The following CCDC91 variants were observed in gnomAD, a reference collection of about 807,000 sequenced individuals.
CCDC91 encodes the protein coiled-coil domain-containing protein 91.
A neutral mutation model predicts 63.2 loss-of-function variants in CCDC91; 48 were observed. The observed-to-expected ratio is 0.76, with a 90% confidence interval of 0.60 to 0.97. CCDC91 has a LOEUF of 0.97. Ranked by LOEUF, CCDC91 falls within the 50% of genes least tolerant of loss-of-function variation. CCDC91 has a pLI of 0.00. For synonymous variants in CCDC91, 167 were observed against 165.8 expected (o/e 1.01, Z -0.06); for missense variants, 500 against 494.6 (o/e 1.01, Z -0.10).
chr12:28,322,828 GTTTTACCATA>G (rs1940644119), intron 6 of CCDC91, among the ~76,000 whole-genome samples: 1 of 151,542 alleles, frequency 6.6e-6, no homozygotes, highest in Admixed American at 6.6e-5. Context: ...GAGAATGCCT[GTTTTACCATA>G]TCCTTGCCTA....
chr12:28,315,904 A>G (rs1297952821), intron 6 of CCDC91, among the ~76,000 whole-genome samples: 1 of 151,876 alleles, frequency 6.6e-6, no homozygotes, highest in Admixed American at 6.6e-5. Context: ...TTTAGATAAT[A>G]GTGTACTAAA....
intron 8 of CCDC91, among the ~76,000 whole-genome samples, chr12:28,428,361 G>A (rs1003666950): frequency 4.0e-5 from 6 of 151,810 alleles, no homozygotes. Context: ...ACCTGAGGTT[G>A]GGAGTTTGAG....
chr12:28,528,920 T>G (rs1941509238), intron 12 of CCDC91, among the ~76,000 whole-genome samples: 1 of 152,190 alleles, frequency 6.6e-6, no homozygotes, highest in Admixed American at 6.5e-5. Flanking sequence ...ATTAAAAGAA[T>G]GATATTTATC....
chr12:28,245,257 A>G (rs1379785374), intron 1 of CCDC91, among the ~76,000 whole-genome samples: 1 of 152,168 alleles, frequency 6.6e-6, no homozygotes, highest in Admixed American at 6.5e-5. Context: ...AAGATGGCTT[A>G]TCAGATTAGC....
intron 6 of CCDC91, among the ~76,000 whole-genome samples, chr12:28,332,885 T>C (rs1941624457): frequency 6.6e-6 from 1 of 152,160 alleles, no homozygotes; most frequent in Non-Finnish European, 1.5e-5. Flanking sequence ...TCATAGCCTT[T>C]GCACTTATGA....
chr12:28,496,931 CAT>C (rs200906294), intron 12 of CCDC91, among the ~76,000 whole-genome samples: 2,657 of 141,448 alleles, frequency 0.019, 44 homozygotes, highest in Non-Finnish European at 0.029. Context: ...TATATATATA[CAT>C]ATATATATAC....
Position 28,484,088 on chromosome 12 carries a change from C to A in CCDC91, c.1138C>A (p.Arg380=), listed in dbSNP as rs199900804. 3.9e-5 allele frequency: 63 copies of A among 1,610,782 alleles called. 1 individual carries two copies. In the East Asian group the frequency reaches 8.3e-4, roughly 21 times the overall value. The change falls in exon 12 of 13, where the codon CGA becomes AGA. Residue 380 remains arginine (R), a synonymous_variant. Coordinates refer to ENST00000536442, the MANE Select transcript of CCDC91 (RefSeq NM_018318.5). Reference sequence around the variant, plus strand: ...GGCAGCAATAATAGAAGAGCAGAAACGAAGTGAAAAGGCTGTGGAAGAGGC... The same window carrying A: ...GGCAGCAATAATAGAAGAGCAGAAAAGAAGTGAAAAGGCTGTGGAAGAGGC... ...VKAAIIEEQK[R]SEKAVEEAVK...
chr12:28,415,799 A>G (rs1947621644), intron 8 of CCDC91, among the ~76,000 whole-genome samples: 1 of 152,012 alleles, frequency 6.6e-6, no homozygotes, highest in Non-Finnish European at 1.5e-5. Flanking sequence ...AGGAGACATG[A>G]TTTTAAAAAC....
At chr12:28,440,749 A>G (rs754824127) in intron 8 of CCDC91, among the ~76,000 whole-genome samples, 11 of 152,096 alleles carry the variant, frequency 7.2e-5, no homozygotes, top group Non-Finnish European at 1.6e-4. Flanking sequence ...AAATATATGA[A>G]CAGCAGGCTT....
intron 12 of CCDC91, among the ~76,000 whole-genome samples, chr12:28,501,909 T>C (rs1286782409): frequency 6.6e-6 from 1 of 151,858 alleles, no homozygotes; most frequent in Non-Finnish European, 1.5e-5. Flanking sequence ...ATTCAGAGAT[T>C]CAACTTCTTC....
intron 1 of CCDC91, among the ~76,000 whole-genome samples, chr12:28,224,564 A>G (rs1029623358): frequency 1.3e-5 from 2 of 152,082 alleles, no homozygotes; most frequent in African/African-American, 4.8e-5. Flanking sequence ...GTGGTTAGAA[A>G]TCTTGTCTTT....
At chr12:28,472,923 A>G (rs1950893881) in intron 11 of CCDC91, among the ~76,000 whole-genome samples, 1 of 152,128 alleles carries the variant, frequency 6.6e-6, no homozygotes, top group South Asian at 2.1e-4. Flanking sequence ...GAGTTCATAA[A>G]TTTGTGTGGA....
chr12:28,459,663 C>T (rs964842261), intron 11 of CCDC91, among the ~76,000 whole-genome samples: 1 of 152,154 alleles, frequency 6.6e-6, no homozygotes, highest in African/African-American at 2.4e-5. Flanking sequence ...AGGATAATTA[C>T]TTTCAGCTTC....
At chr12:28,532,623 A>G (rs1941832163) in intron 12 of CCDC91, among the ~76,000 whole-genome samples, 1 of 152,056 alleles carries the variant, frequency 6.6e-6, no homozygotes, top group South Asian at 2.1e-4. Flanking sequence ...AGTGATGGTT[A>G]GGTATACATA....
intron 12 of CCDC91, among the ~76,000 whole-genome samples, chr12:28,521,976 A>G (rs1940726954): frequency 6.6e-6 from 1 of 152,186 alleles, no homozygotes; most frequent in Non-Finnish European, 1.5e-5. Flanking sequence ...TCGGTTTGCC[A>G]GTATTTTCTT....
rs1453694918 is a variant in CCDC91, at chr12:28,512,519, A to AAG, written c.1215+28355_1215+28356insGA. Among the ~76,000 whole-genome samples, 322 of 152,070 alleles carry AAG rather than the reference A, an allele frequency of 2.1e-3. 4 individuals are homozygous for AAG. Among genetic ancestry groups the AAG allele is most frequent in the African/African-American group, 7.2e-3 (299 of 41,542 alleles). ...TCAGCAAAACATGGCGAATGGGCCA[A>AAG]ATCCAGTTTGCCCGGTGTTTTCTTA... On this transcript the variant is annotated intron_variant, in intron 12 of 12. Coordinates refer to ENST00000536442, the MANE Select transcript of CCDC91 (RefSeq NM_018318.5).
chr12:28,396,391 T>C (rs1946288007), intron 8 of CCDC91, among the ~76,000 whole-genome samples: 1 of 152,126 alleles, frequency 6.6e-6, no homozygotes, highest in East Asian at 1.9e-4. Context: ...AGAAGTGACA[T>C]TTGTTCAGAT....
chr12:28,278,212 C>T (rs1444679782), intron 3 of CCDC91, among the ~76,000 whole-genome samples: 1 of 152,024 alleles, frequency 6.6e-6, no homozygotes, highest in East Asian at 1.9e-4. Flanking sequence ...GTTAGCTAGT[C>T]TCTTTTTCAT....
chr12:28,254,156 C>T (rs1175585127), intron 1 of CCDC91, among the ~76,000 whole-genome samples: 2 of 152,022 alleles, frequency 1.3e-5, no homozygotes, highest in Non-Finnish European at 1.5e-5. Flanking sequence ...GGAATTAATA[C>T]AATAAGGCAA....
Sources: gnomAD v4.1 joint callset for allele counts (sites outside exome capture counted in the v4.1 genomes callset) on GRCh38, gnomAD v4.1.1 for gene constraint, MANE v1.5 for transcripts, NCBI Gene and HGNC (gene_info 2026-07-23, HGNC 2026-07-21) for gene names.